The following RP1 variants were observed in gnomAD, a reference collection of about 807,000 sequenced individuals.
The protein encoded by RP1 is RP1 axonemal microtubule associated.
A neutral mutation model predicts 14.8 loss-of-function variants in RP1; 16 were observed. The observed-to-expected ratio is 1.08, with a 90% CI of 0.73 to 1.65. RP1 has a LOEUF of 1.65. Among genes scored for constraint, RP1 ranks in the 40% most tolerant of loss-of-function variants. The pLI is 0.00. For synonymous variants in RP1, 876 were observed against 883.6 expected, an observed-to-expected ratio of 0.99 and a Z score of 0.15; for missense variants, 2,631 against 2,535.0, an observed-to-expected ratio of 1.04 and a Z score of -0.81.
intron 16 of RP1, among the ~76,000 whole-genome samples, chr8:54,720,700 G>T (rs1808514418): frequency 6.6e-6 from 1 of 152,008 alleles, no homozygotes; most frequent in African/African-American, 2.4e-5. Context: ...AAAAGAGATG[G>T]AATAAAGATC....
At chr8:54,731,386 G>A (rs1808790841) in intron 17 of RP1, among the ~76,000 whole-genome samples, 1 of 151,944 alleles carries the variant, frequency 6.6e-6, no homozygotes, top group South Asian at 2.1e-4. Flanking sequence ...CTAATCCAGG[G>A]TCCCCATTAA....
chr8:54,631,824 A>C (rs1480406947), downstream of RP1, among the ~76,000 whole-genome samples: 1 of 151,010 alleles, frequency 6.6e-6, no homozygotes, highest in Non-Finnish European at 1.5e-5. Context: ...CATTGTTTTC[A>C]TGTGAGGAAG....
At chr8:54,786,016 A>T (rs1185521403) in intron 24 of RP1, among the ~76,000 whole-genome samples, 1 of 152,118 alleles carries the variant, frequency 6.6e-6, no homozygotes, top group Non-Finnish European at 1.5e-5. Flanking sequence ...TGTTTATTCA[A>T]CAATGAACAG....
chr8:54,605,235 T>G (rs1169758814), intron 1 of RP1, among the ~76,000 whole-genome samples: 3 of 152,222 alleles, frequency 2.0e-5, no homozygotes, highest in African/African-American at 7.2e-5. Flanking sequence ...TCTGGTATGT[T>G]GTGTCTTTGT....
intron 5 of RP1, among the ~76,000 whole-genome samples, chr8:54,654,509 T>C (rs1166179235): frequency 6.6e-6 from 1 of 152,204 alleles, no homozygotes; most frequent in Non-Finnish European, 1.5e-5. Flanking sequence ...AACAATAATT[T>C]TTCTCATGGG....
chr8:54,858,487 T>G (rs2129327599), intron 27 of RP1, among the ~76,000 whole-genome samples: 1 of 152,262 alleles, frequency 6.6e-6, no homozygotes, highest in South Asian at 2.1e-4. Flanking sequence ...TAGAGTGATG[T>G]TACTGCAGAG....
chr8:54,672,515 T>C (rs1176857790), intron 7 of RP1, among the ~76,000 whole-genome samples: 1 of 152,192 alleles, frequency 6.6e-6, no homozygotes, highest in East Asian at 1.9e-4. Flanking sequence ...AAAAAGAGTA[T>C]TCTAGTTCTT....
At chr8:54,617,817 A>G (rs760045586) in intron 1 of RP1, among the ~76,000 whole-genome samples, 4 of 152,228 alleles carry the variant, frequency 2.6e-5, no homozygotes, top group Middle Eastern at 3.2e-3. Flanking sequence ...AAGACAGGGC[A>G]AAAGCTGATT....
chr8:54,844,226 T>C (rs1228217701), intron 25 of RP1, among the ~76,000 whole-genome samples: 1 of 152,226 alleles, frequency 6.6e-6, no homozygotes, highest in African/African-American at 2.4e-5. Context: ...GAACCCTTCA[T>C]ACCACCTTCT....
At chr8:54,689,438 C>T (rs1386132623) in intron 12 of RP1, among the ~76,000 whole-genome samples, 2 of 152,036 alleles carry the variant, frequency 1.3e-5, no homozygotes, top group Non-Finnish European at 2.9e-5. Flanking sequence ...ATTAGCATTC[C>T]TCAGATGAAA....
At chr8:54,640,313 T>G (rs1053471527) in intron 3 of RP1, among the ~76,000 whole-genome samples, 1 of 152,216 alleles carries the variant, frequency 6.6e-6, no homozygotes, top group Admixed American at 6.5e-5. Context: ...CTATTCTATT[T>G]CATTGATTTG....
At chr8:54,593,054 A>G (rs1394354067) in intron 1 of RP1, among the ~76,000 whole-genome samples, 1 of 152,160 alleles carries the variant, frequency 6.6e-6, no homozygotes, top group African/African-American at 2.4e-5. Context: ...AGAATGTGCC[A>G]AATTAGGTGA....
intron 1 of RP1, among the ~76,000 whole-genome samples, chr8:54,577,535 GTAT>G (rs2129295242): frequency 6.6e-6 from 1 of 151,510 alleles, no homozygotes; most frequent in South Asian, 2.1e-4. Context: ...TGAGAATAGT[GTAT>G]TATTAGATTC....
intron 19 of RP1, among the ~76,000 whole-genome samples, chr8:54,741,423 TTTGTAAATACTTACCA>T (rs1809081723): frequency 6.6e-6 from 1 of 151,994 alleles, no homozygotes. Flanking sequence ...TATGTTTAGA[TTTGTAAATACTTACCA>T]TTGTGTTACA....
Position 54,629,280 on chromosome 8 carries a change from C to G in RP1, c.5398C>G (p.Leu1800Val), listed in dbSNP as rs758124745. The change falls in exon 4 of 4, where the codon CTC becomes GTC. Residue 1800 changes from leucine to valine, a missense_variant. Coordinates refer to ENST00000220676, the MANE Select transcript of RP1 (RefSeq NM_006269.2). ...NLAPGPTMDELSSSELEELTQ... is the reference protein window; with the variant it reads ...NLAPGPTMDEVSSSELEELTQ... The stretch of plus-strand genomic sequence containing the variant: ...GGCCCCAGGCCCAACGATGGATGAA[C>G]TCTCCTCTTCAGAACTCGAGGAACT... 3.7e-6 allele frequency: 6 copies of G among 1,613,766 alleles called. No individual in the cohort carries two copies. The highest frequency in any genetic ancestry group is 5.1e-6 in the Non-Finnish European group (6 of 1,179,770).
Position 54,636,934 on chromosome 8 carries a change from C to T in RP1, c.788-12051C>T, listed in dbSNP as rs143105835. 1.7e-3 allele frequency among the ~76,000 whole-genome samples: 253 copies of T among 152,228 alleles called. 2 individuals are homozygous for T. The highest frequency in any genetic ancestry group is 5.7e-3 in the African/African-American group (238 of 41,532). ...ACATTATATGAAGAATAACTAGGAC[C>T]AAGAGAAAGTTCTCTAGATTTGTTA... is the stretch of plus-strand genomic sequence containing the variant. On this transcript the variant is annotated intron_variant, in intron 3 of 22. Transcript: ENST00000636932.
At chr8:54,632,138 A>G (rs573529755), downstream of RP1, among the ~76,000 whole-genome samples, 14 of 152,212 alleles carry the variant, frequency 9.2e-5, no homozygotes, top group African/African-American at 3.4e-4. Context: ...CACCGCGCCC[A>G]GCCAGGGATA....
intron 1 of RP1, among the ~76,000 whole-genome samples, chr8:54,589,567 T>A (rs1435885133): frequency 4.6e-5 from 7 of 152,144 alleles, no homozygotes; most frequent in Non-Finnish European, 1.5e-5. Context: ...CATTGTTGTT[T>A]CTGCTGCTCA....
In RP1 at chr8:54,760,733, C is replaced by T. The variant is rs564907809; in HGVS notation, c.3248+1657C>T. 1.1e-4 allele frequency among the ~76,000 whole-genome samples: 17 copies of T among 152,308 alleles called. No individual in the cohort carries two copies. The South Asian group carries it at 1.5e-3, about 13-fold the overall frequency. On this transcript the variant is annotated intron_variant, in intron 22 of 22. Transcript: ENST00000636932. ...TTACCTAAACAAGTTCTGTTCCACT[C>T]TGCTTTTGTCCCTCGGAGTGCTAGT...
Sources: allele counts gnomAD v4.1 joint callset (sites outside exome capture counted in the v4.1 genomes callset), GRCh38; gene constraint gnomAD v4.1.1; transcripts MANE v1.5; gene names NCBI Gene and HGNC (gene_info 2026-07-23, HGNC 2026-07-21).